The following CSNK2A2 variants were observed in gnomAD, a reference collection of about 807,000 sequenced individuals.
The protein encoded by CSNK2A2 is casein kinase II subunit alpha'.
CSNK2A2 carries 8 observed loss-of-function variants against 54.0 expected under a neutral mutation model. The observed-to-expected ratio is 0.15, with a 90% confidence interval of 0.09 to 0.27. CSNK2A2 has a LOEUF of 0.27. Among genes scored for constraint, CSNK2A2 ranks in the 10% least tolerant of loss-of-function variants. The pLI is 1.00. For missense variants in CSNK2A2, 242 were observed against 439.4 expected (o/e 0.55, Z 4.02); for synonymous variants, 141 against 153.9 (o/e 0.92, Z 0.62).
chr16:58,159,106 C>G (rs748933829), intron 11 of CSNK2A2: 3 of 152,248 alleles, frequency 2.0e-5, no homozygotes, highest in Non-Finnish European at 4.4e-5. Context: ...AGAAGGGCTG[C>G]ATGGTGCATG....
intron 3 of CSNK2A2, 32 bp downstream of exon 3, chr16:58,186,723 C>G: frequency 6.6e-7 from 1 of 1,516,906 alleles, no homozygotes; most frequent in African/African-American, 1.4e-5. Flanking sequence ...CCCCGGTCTA[C>G]TAGTATACTC....
chr16:58,164,130 G>A lies in CSNK2A2; in HGVS notation c.994C>T (p.Gln332Ter). The change falls in exon 11 of 12, where the codon CAG becomes TAG. Residue 332 changes from glutamine to a stop codon, truncating the protein, a stop_gained. Coordinates refer to ENST00000262506, the MANE Select transcript of CSNK2A2 (RefSeq NM_001896.4). LOFTEE classifies it high-confidence loss of function. ...HPYFYPVVKE[Q>*]SQPCADNAVL... ...GCATTGTCTGCACAAGGCTGGGACT[G>A]CTCCTTCACCACAGGGTCTGCAAGA... is the stretch of plus-strand genomic sequence containing the variant. 6.2e-7 allele frequency: 1 copy of A among 1,613,852 alleles called. No individual in the cohort carries two copies.
intron 10 of CSNK2A2, among the ~76,000 whole-genome samples, chr16:58,164,914 T>G (rs1434128375): frequency 2.6e-5 from 4 of 152,322 alleles, no homozygotes; most frequent in Admixed American, 1.3e-4. Flanking sequence ...CGTTTCCCTC[T>G]TGATTCAGAA....
intron 4 of CSNK2A2, among the ~76,000 whole-genome samples, chr16:58,178,572 G>A (rs528595908): frequency 3.3e-5 from 5 of 152,110 alleles, no homozygotes; most frequent in South Asian, 2.1e-4. Context: ...ATGAGCCACC[G>A]CACCCGGCCT....
rs565130467 is a variant in CSNK2A2 at position 58,195,463 on chromosome 16, A to G, written c.216+1270T>C. Among the ~76,000 whole-genome samples, 5 of 152,228 alleles carry G rather than the reference A, an allele frequency of 3.3e-5. No homozygotes were observed. In the East Asian group the frequency reaches 9.7e-4, roughly 29 times the overall value. ...AGGGATTACCTATACCAGCTGCCCT[A>G]GCACACAGAAACAGCTTTTCTATAC... On this transcript the variant is annotated intron_variant, in intron 2 of 11. Transcript: ENST00000262506.
At position 58,166,504 on chromosome 16, in the gene CSNK2A2, G is replaced by A. The variant is rs1961566747; in HGVS notation, c.827+80C>T. On this transcript the variant is annotated intron_variant, in intron 9 of 11. Coordinates refer to ENST00000262506, the MANE Select transcript of CSNK2A2 (RefSeq NM_001896.4). The stretch of plus-strand genomic sequence containing the variant: ...TTCCATTTTACTATAATCAGAATGG[G>A]AAAAGAAAGTGATTTTGGCTAACCT... The A allele has an allele frequency of 1.5e-5, 14 of 918,638 alleles. No individual in the cohort carries two copies. In the South Asian group the frequency reaches 1.9e-4, roughly 12 times the overall value. 56.9% of individuals were successfully genotyped at this position (918,638 alleles called of 1,614,324 possible).
chr16:58,191,671 A>G (rs1415597404), intron 2 of CSNK2A2, among the ~76,000 whole-genome samples: 3 of 146,782 alleles, frequency 2.0e-5, no homozygotes, highest in Non-Finnish European at 4.5e-5. Flanking sequence ...CCTATGTTAC[A>G]TGTATTTTAA....
intron 2 of CSNK2A2, among the ~76,000 whole-genome samples, chr16:58,190,597 T>A (rs2142447840): frequency 6.6e-6 from 1 of 152,250 alleles, no homozygotes; most frequent in South Asian, 2.1e-4. Context: ...ATCACCCCAA[T>A]TACATGATCT....
chr16:58,181,799 G>A (rs1293658432), intron 4 of CSNK2A2, among the ~76,000 whole-genome samples: 2 of 152,060 alleles, frequency 1.3e-5, no homozygotes, highest in Non-Finnish European at 2.9e-5. Flanking sequence ...AGCCCAGCAA[G>A]TATGCAGAAC....
Position 58,173,745 on chromosome 16 carries a change from C to G in CSNK2A2, c.429+706G>C, listed in dbSNP as rs190541320. On this transcript the variant is annotated intron_variant, in intron 5 of 11. Transcript: ENST00000262506. ...GCCTGCCACCCCTGTAGGCATGTCT[C>G]TCTATAATATGCCTACATATTCAAT... Among the ~76,000 whole-genome samples the G allele has an allele frequency of 2.6e-3, 390 of 152,338 alleles. 1 individual carries two copies. The highest frequency in any genetic ancestry group is 8.3e-3 in the African/African-American group (346 of 41,562).
intron 3 of CSNK2A2, among the ~76,000 whole-genome samples, chr16:58,184,894 C>T (rs1256366887): frequency 6.6e-6 from 1 of 152,090 alleles, no homozygotes; most frequent in African/African-American, 2.4e-5. Context: ...ATAAGCTATA[C>T]TATAATATTA....
At chr16:58,194,431 G>C (rs1210500544) in intron 2 of CSNK2A2, among the ~76,000 whole-genome samples, 8 of 152,122 alleles carry the variant, frequency 5.3e-5, no homozygotes, top group African/African-American at 1.9e-4. Context: ...CCATCCTTCA[G>C]ACAGGAACAA....
rs556589815 is a variant in CSNK2A2 at position 58,180,173 on chromosome 16, T to C, written c.369+4087A>G. Among the ~76,000 whole-genome samples the C allele has an allele frequency of 8.5e-4, 127 of 148,896 alleles. 1 individual carries two copies. Among genetic ancestry groups the C allele is most frequent in the Middle Eastern group, 3.4e-3 (1 of 292 alleles). ...GAAAACCACTGAAAGCCCAACAAAGTTGAAGGAAGAAAGAAGAAAAATAAG... is the reference window on the plus strand; with the variant it reads ...GAAAACCACTGAAAGCCCAACAAAGCTGAAGGAAGAAAGAAGAAAAATAAG... On this transcript the variant is annotated intron_variant, in intron 4 of 11. Transcript: ENST00000262506.
chr16:58,191,200 G>T (rs1295614886), intron 2 of CSNK2A2, among the ~76,000 whole-genome samples: 1 of 152,140 alleles, frequency 6.6e-6, no homozygotes, highest in Non-Finnish European at 1.5e-5. Context: ...GACGGTTGTT[G>T]CCAGGAAATG....
intron 2 of CSNK2A2, among the ~76,000 whole-genome samples, chr16:58,196,101 C>CTTG (rs1246577780): frequency 1.1e-4 from 16 of 152,308 alleles, no homozygotes; most frequent in African/African-American, 3.4e-4. Context: ...ACACAGTGCT[C>CTTG]AGGGAGCCCT....
chr16:58,189,725 C>T (rs187348310), intron 2 of CSNK2A2, among the ~76,000 whole-genome samples: 1 of 152,326 alleles, frequency 6.6e-6, no homozygotes, highest in East Asian at 1.9e-4. Flanking sequence ...GTCACAAAGG[C>T]AGCTAGAGTC....
At chr16:58,196,401 G>A (rs1315063204) in intron 2 of CSNK2A2, among the ~76,000 whole-genome samples, 1 of 152,060 alleles carries the variant, frequency 6.6e-6, no homozygotes, top group Non-Finnish European at 1.5e-5. Flanking sequence ...TTGGAGGACT[G>A]CTTGAGCTCA....
chr16:58,161,142 A>C (rs1961339298), intron 11 of CSNK2A2: 1 of 152,182 alleles, frequency 6.6e-6, no homozygotes, highest in Admixed American at 6.5e-5. Context: ...CAGAGGTGCA[A>C]ATGTGACTCA....
intron 4 of CSNK2A2, among the ~76,000 whole-genome samples, chr16:58,177,468 A>G (rs1961913117): frequency 1.3e-5 from 2 of 152,162 alleles, no homozygotes; most frequent in Admixed American, 6.5e-5. Flanking sequence ...ATGGTGTAAA[A>G]CCACAGACAC....
Sources: gnomAD v4.1 joint callset for allele counts (sites outside exome capture counted in the v4.1 genomes callset) on GRCh38, gnomAD v4.1.1 for gene constraint, MANE v1.5 for transcripts, NCBI Gene and HGNC (gene_info 2026-07-23, HGNC 2026-07-21) for gene names.